CDC73: variants seen among roughly 807,000 people sequenced by gnomAD.
CDC73 encodes cell division cycle 73, also known as parafibromin.
CDC73 carries 21 observed loss-of-function variants against 83.7 expected under a neutral mutation model. That is an observed-to-expected ratio of 0.25 (90% CI 0.18 to 0.36). The LOEUF (loss-of-function observed/expected upper bound fraction) is 0.36. Ranked by LOEUF, CDC73 falls within the 10% of genes least tolerant of loss-of-function variation. CDC73 has a pLI of 1.00. For missense variants in CDC73, 342 were observed against 653.3 expected (o/e 0.52, Z 5.19); for synonymous variants, 224 against 212.9 (o/e 1.05, Z -0.45).
chr1:193,240,828 C>CT (rs755700636), intron 15 of CDC73, among the ~76,000 whole-genome samples: 3 of 152,094 alleles, frequency 2.0e-5, no homozygotes, highest in Non-Finnish European at 4.4e-5. Context: ...TGTACAGAAA[C>CT]TTTTTACTTT....
intron 10 of CDC73, among the ~76,000 whole-genome samples, chr1:193,167,147 A>G (rs895021449): frequency 6.6e-6 from 1 of 152,232 alleles, no homozygotes; most frequent in Admixed American, 6.5e-5. Flanking sequence ...ATAGTGTAGT[A>G]GAATTCTTAG....
intron 10 of CDC73, among the ~76,000 whole-genome samples, chr1:193,169,094 T>TG (rs1010600463): frequency 2.0e-5 from 3 of 152,246 alleles, no homozygotes; most frequent in African/African-American, 7.2e-5. Context: ...TCAGTGGATA[T>TG]GGAGGCAACT....
intron 13 of CDC73, among the ~76,000 whole-genome samples, chr1:193,229,209 G>A (rs138469372): frequency 0.012 from 1,864 of 152,296 alleles, 19 homozygotes; most frequent in South Asian, 0.034. Flanking sequence ...GATTCACTTG[G>A]AGGTATTTAC....
chr1:193,164,077 A>G (rs946798811), intron 10 of CDC73, among the ~76,000 whole-genome samples: 1 of 152,194 alleles, frequency 6.6e-6, no homozygotes, highest in Non-Finnish European at 1.5e-5. Context: ...AGCCCAGTAT[A>G]GTAGATTTTA....
chr1:193,220,507 T>C (rs972618200), intron 13 of CDC73, among the ~76,000 whole-genome samples: 2 of 152,178 alleles, frequency 1.3e-5, no homozygotes, highest in Non-Finnish European at 2.9e-5. Context: ...TGCTTTTAAC[T>C]GATTCAAAGT....
chr1:193,138,353 T>G (rs990254451), intron 6 of CDC73, among the ~76,000 whole-genome samples, 180 bp downstream of exon 6: 5 of 152,254 alleles, frequency 3.3e-5, no homozygotes, highest in Non-Finnish European at 2.9e-5. Context: ...TATCATGCTT[T>G]TTGAAAAGTC....
intron 6 of CDC73, 107 bp downstream of exon 6, chr1:193,138,280 AT>A: frequency 1.3e-6 from 1 of 796,310 alleles, no homozygotes; most frequent in Non-Finnish European, 2.2e-6. Flanking sequence ...TCTTGGATTC[AT>A]TTTATGCCTC....
chr1:193,247,839 A>G (rs1418135910), intron 15 of CDC73, among the ~76,000 whole-genome samples: 2 of 152,134 alleles, frequency 1.3e-5, no homozygotes, highest in Non-Finnish European at 2.9e-5. Context: ...TCTGCAGAAG[A>G]AAAGTTGGAA....
chr1:193,130,843 C>G (rs530710550), intron 3 of CDC73, among the ~76,000 whole-genome samples: 1 of 152,314 alleles, frequency 6.6e-6, no homozygotes, highest in South Asian at 2.1e-4. Flanking sequence ...GTTGACCACT[C>G]ATTTTTGAAA....
chr1:193,249,536 T>C (rs183442427), intron 15 of CDC73, among the ~76,000 whole-genome samples, 194 bp from the exon 16 acceptor site: 2 of 152,164 alleles, frequency 1.3e-5, no homozygotes, highest in Admixed American at 1.3e-4. Context: ...CACTAGACTA[T>C]ATGCATTTTA....
chr1:193,201,674 C>A (rs1677093783), intron 10 of CDC73, among the ~76,000 whole-genome samples: 1 of 152,022 alleles, frequency 6.6e-6, no homozygotes, highest in Non-Finnish European at 1.5e-5. Context: ...TTAAAAGGAT[C>A]AAGTTTTGAG....
At position 193,159,735 on chromosome 1, in the gene CDC73, T is replaced by C. The variant is rs142054172; in HGVS notation, c.972+7291T>C. The stretch of plus-strand genomic sequence containing the variant: ...CATAAATGTTTTTATATTAAACATA[T>C]ATAATATTTTGTAAACGTTTTATAC... On this transcript the variant is annotated intron_variant, in intron 10 of 16. Transcript: ENST00000367435. 1.3e-3 allele frequency among the ~76,000 whole-genome samples: 200 copies of C among 152,308 alleles called. 1 individual carries two copies. Among genetic ancestry groups the C allele is most frequent in the African/African-American group, 4.6e-3 (193 of 41,554 alleles).
chr1:193,161,678 TATATATA>T lies in CDC73; in HGVS notation c.972+9248_972+9254del, dbSNP rs1399966540. 2.6e-4 allele frequency among the ~76,000 whole-genome samples: 4 copies of T among 15,494 alleles called. 1 individual carries two copies. The East Asian group carries it at 2.8e-3, about 11-fold the overall frequency. The allele number at this position is 15,494 out of a possible 152,430, so 10.2% of individuals were successfully genotyped here. A position where few individuals can be genotyped will look rare whatever the true frequency, so the allele number is the denominator to read the frequency against. On this transcript the variant is annotated intron_variant, in intron 10 of 16. Transcript: ENST00000367435. ...AATATATTATATATCTATCATATAA[TATATATA>T]ATATATAATATATTATATATCTATC...
chr1:193,140,405 T>TG (rs1675884663), intron 6 of CDC73, among the ~76,000 whole-genome samples: 2 of 152,190 alleles, frequency 1.3e-5, no homozygotes, highest in Non-Finnish European at 1.5e-5. Context: ...ATCCACCCTC[T>TG]GGGGATATGT....
chr1:193,153,222 A>G (rs1375339276), intron 10 of CDC73, among the ~76,000 whole-genome samples: 6 of 152,172 alleles, frequency 3.9e-5, no homozygotes, highest in Admixed American at 6.6e-5. Flanking sequence ...TTTTTAACCT[A>G]AAAATGGTTA....
chr1:193,247,101 T>C (rs1323451860), intron 15 of CDC73, among the ~76,000 whole-genome samples: 1 of 152,174 alleles, frequency 6.6e-6, no homozygotes, highest in African/African-American at 2.4e-5. Context: ...TATCAGGCTT[T>C]GCAGAATTTT....
intron 10 of CDC73, among the ~76,000 whole-genome samples, chr1:193,167,951 C>T (rs1676459655): frequency 1.3e-5 from 2 of 152,128 alleles, no homozygotes; most frequent in Admixed American, 1.3e-4. Flanking sequence ...ACCTCTGCCT[C>T]CCGGGTTCAA....
At chr1:193,230,335 G>C (rs1314775161) in intron 13 of CDC73, among the ~76,000 whole-genome samples, 2 of 151,564 alleles carry the variant, frequency 1.3e-5, no homozygotes, top group African/African-American at 4.9e-5. Flanking sequence ...ATTTAGTAGA[G>C]ACGGGATTTC....
chr1:193,249,880 G>A lies in CDC73; in HGVS notation c.1559+9G>A, dbSNP rs1335505407. 8 of 1,611,310 alleles carry A rather than the reference G, an allele frequency of 5.0e-6. No individual in the cohort carries two copies. Among genetic ancestry groups the A allele is most frequent in the Middle Eastern group, 1.6e-4 (1 of 6,072 alleles). On this transcript the variant is annotated intron_variant, in intron 16 of 16. Transcript: ENST00000367435. ...TGGGAAACATTGGACAGGTAATTCCGATTCTAAAATATGCTTGTGTGTGTT... is the reference window on the plus strand; with the variant it reads ...TGGGAAACATTGGACAGGTAATTCCAATTCTAAAATATGCTTGTGTGTGTT...
Sources: allele counts gnomAD v4.1 joint callset (sites outside exome capture counted in the v4.1 genomes callset), GRCh38; gene constraint gnomAD v4.1.1; transcripts MANE v1.5; gene names NCBI Gene and HGNC (gene_info 2026-07-23, HGNC 2026-07-21).